The following GCNT2 variants were observed in gnomAD, a reference collection of about 807,000 sequenced individuals.
GCNT2 encodes the protein N-acetyllactosaminide beta-1,6-N-acetylglucosaminyl-transferase.
GCNT2 carries 34 observed loss-of-function variants against 34.2 expected under a neutral mutation model. The ratio of observed to expected loss-of-function variants is 1.00; its 90% confidence interval spans 0.76 to 1.32. The LOEUF is 1.32. Ranked by LOEUF, GCNT2 falls within the 40% of genes most tolerant of loss-of-function variation. The pLI is 0.00. For missense variants in GCNT2, 584 were observed against 489.4 expected (o/e 1.19, Z -1.82); for synonymous variants, 212 against 188.0 (o/e 1.13, Z -1.04).
At chr6:10,551,228 A>G (rs1420432786) in intron 3 of GCNT2, among the ~76,000 whole-genome samples, 4 of 152,084 alleles carry the variant, frequency 2.6e-5, no homozygotes, top group Non-Finnish European at 2.9e-5. Flanking sequence ...GTCTTTTGCA[A>G]GTATTTGCTT....
At chr6:10,603,442 A>G (rs979354682) in intron 3 of GCNT2, among the ~76,000 whole-genome samples, 1 of 152,218 alleles carries the variant, frequency 6.6e-6, no homozygotes, top group East Asian at 1.9e-4. Context: ...GGCACTGCGC[A>G]CCACACAGCG....
At chr6:10,561,091 A>G (rs1762958333) in intron 3 of GCNT2, among the ~76,000 whole-genome samples, 1 of 152,226 alleles carries the variant, frequency 6.6e-6, no homozygotes, top group Non-Finnish European at 1.5e-5. Flanking sequence ...TGAGCTTTGT[A>G]ATGATTGCTC....
intron 3 of GCNT2, among the ~76,000 whole-genome samples, chr6:10,610,959 T>A (rs1765523618): frequency 2.0e-5 from 3 of 152,194 alleles, no homozygotes; most frequent in Non-Finnish European, 2.9e-5. Context: ...GGAGTGAATT[T>A]GTTGGCAGTT....
intron 3 of GCNT2, chr6:10,557,496 T>C: frequency 1.5e-6 from 1 of 651,430 alleles, no homozygotes; most frequent in Admixed American, 2.7e-5. Context: ...AGATGTTCTT[T>C]TTTTTTTTTG....
At chr6:10,523,262 AAG>A (rs1761008285) in intron 1 of GCNT2, among the ~76,000 whole-genome samples, 1 of 151,900 alleles carries the variant, frequency 6.6e-6, no homozygotes, top group African/African-American at 2.4e-5. Flanking sequence ...CTCTACTAAA[AAG>A]AAAATACAAA....
At chr6:10,537,732 C>CAAAGAAAACG (rs1761839797) in intron 3 of GCNT2, among the ~76,000 whole-genome samples, 1 of 102,094 alleles carries the variant, frequency 9.8e-6, no homozygotes, top group Non-Finnish European at 2.1e-5. Context: ...AAAAACAAAA[C>CAAAGAAAACG]AAAGAAAACG....
rs113812096 is a variant in GCNT2, at chr6:10,550,075, C to T, written c.925+20239C>T. On this transcript the variant is annotated intron_variant, in intron 3 of 4. Coordinates refer to ENST00000495262, the MANE Select transcript of GCNT2 (RefSeq NM_145649.5). ...CCCAATTTTTTCTGTTTGTTTGAGA[C>T]GGAGTTTTGCTCTTGTTGCCTAGGC... 3.1e-3 allele frequency among the ~76,000 whole-genome samples: 478 copies of T among 152,178 alleles called. 2 individuals are homozygous for T. Among genetic ancestry groups the T allele is most frequent in the Non-Finnish European group, 5.2e-3 (356 of 68,010 alleles).
In GCNT2 at chr6:10,600,781, TTTA is replaced by T. The variant is rs547249122; in HGVS notation, c.926-20569_926-20567del. The stretch of plus-strand genomic sequence containing the variant: ...TTATTTTTATTTATTTATTTATTTA[TTTA>T]GAGACAGCATCTCATTCTGTTGCCC... On this transcript the variant is annotated intron_variant, in intron 3 of 4. Coordinates refer to ENST00000495262, the MANE Select transcript of GCNT2 (RefSeq NM_145649.5). Among the ~76,000 whole-genome samples, 230 of 151,804 alleles carry T rather than the reference TTTA, an allele frequency of 1.5e-3. 1 individual carries two copies. Among genetic ancestry groups the T allele is most frequent in the South Asian group, 0.013 (62 of 4,824 alleles).
chr6:10,539,094 A>G (rs1761915742), intron 3 of GCNT2, among the ~76,000 whole-genome samples: 1 of 150,518 alleles, frequency 6.6e-6, no homozygotes, highest in Non-Finnish European at 1.5e-5. Context: ...ACTCTCTATT[A>G]GAGTTGGAGA....
At chr6:10,550,546 A>G (rs915074466) in intron 3 of GCNT2, among the ~76,000 whole-genome samples, 6 of 152,186 alleles carry the variant, frequency 3.9e-5, no homozygotes, top group African/African-American at 1.4e-4. Flanking sequence ...GCTAGAGTGC[A>G]GTGGCACCAT....
At chr6:10,558,778 C>T (rs941111669) in intron 3 of GCNT2, among the ~76,000 whole-genome samples, 7 of 152,318 alleles carry the variant, frequency 4.6e-5, no homozygotes, top group African/African-American at 1.7e-4. Flanking sequence ...TGTTTGAATC[C>T]CAGGGTGACT....
At chr6:10,594,880 C>G (rs1296373302) in intron 3 of GCNT2, among the ~76,000 whole-genome samples, 1 of 152,004 alleles carries the variant, frequency 6.6e-6, no homozygotes, top group African/African-American at 2.4e-5. Flanking sequence ...GGTCCCTGCT[C>G]TGTTCCCCAG....
chr6:10,539,103 G>GAGTAGCTC lies in GCNT2; in HGVS notation c.925+9269_925+9276dup, dbSNP rs1222936410. Among the ~76,000 whole-genome samples the GAGTAGCTC allele has an allele frequency of 6.6e-5, 10 of 150,382 alleles. No individual in the cohort carries two copies. In the East Asian group the frequency reaches 2.0e-3, roughly 30 times the overall value. On this transcript the variant is annotated intron_variant, in intron 3 of 4. Transcript: ENST00000495262. ...TTGTTTACTCTCTATTAGAGTTGGA[G>GAGTAGCTC]AGTAGCTCACACTCACTGGTGGGGT...
In GCNT2 at chr6:10,528,739, G is replaced by T; in HGVS notation, c.-173G>T. The T allele has an allele frequency of 1.5e-6, 1 of 648,040 alleles. No individual in the cohort carries two copies. The highest frequency in any genetic ancestry group is 2.7e-6 in the Non-Finnish European group (1 of 364,552). 40.1% of individuals were successfully genotyped at this position (648,040 alleles called of 1,614,324 possible). A position where few individuals can be genotyped will look rare whatever the true frequency, so the allele number is the denominator to read the frequency against. ...GCAACCTAGTGGTAAGTGAAGAGGG[G>T]AAGAAGAAAGAAAAAGGACCAGAAC... is the stretch of plus-strand genomic sequence containing the variant. On this transcript the variant is annotated 5_prime_UTR_variant, in exon 3 of 5. Transcript: ENST00000495262.
chr6:10,616,467 T>C (rs976628939), intron 3 of GCNT2, among the ~76,000 whole-genome samples: 9 of 152,320 alleles, frequency 5.9e-5, no homozygotes, highest in Non-Finnish European at 1.2e-4. Flanking sequence ...GATTGGTCTG[T>C]TTTACAGAGA....
At chr6:10,586,562 T>A in intron 3 of GCNT2, 1 of 1,614,120 alleles carries the variant, frequency 6.2e-7, no homozygotes, top group Non-Finnish European at 8.5e-7. Context: ...TCAACACCTG[T>A]GGACAAGACT....
chr6:10,556,129 G>A, intron 3 of GCNT2: 1 of 1,298,814 alleles, frequency 7.7e-7, no homozygotes, highest in Non-Finnish European at 9.8e-7. Context: ...TAGCAAAACA[G>A]CTAGCAGATG....
At chr6:10,591,034 C>G (rs963021282) in intron 3 of GCNT2, among the ~76,000 whole-genome samples, 3 of 152,240 alleles carry the variant, frequency 2.0e-5, no homozygotes, top group African/African-American at 4.8e-5. Context: ...CACCTTCCTC[C>G]CAGATCGTGT....
At chr6:10,553,805 G>A (rs909942688) in intron 3 of GCNT2, among the ~76,000 whole-genome samples, 3 of 152,192 alleles carry the variant, frequency 2.0e-5, no homozygotes, top group African/African-American at 7.2e-5. Flanking sequence ...GAGGCAGGAG[G>A]ATTGCTTGAC....
Sources: allele counts gnomAD v4.1 joint callset (sites outside exome capture counted in the v4.1 genomes callset), GRCh38; gene constraint gnomAD v4.1.1; transcripts MANE v1.5; gene names NCBI Gene and HGNC (gene_info 2026-07-23, HGNC 2026-07-21).